UTP20: variants seen among roughly 807,000 people sequenced by gnomAD.
The protein encoded by UTP20 is UTP20 small subunit processome component.
Under a neutral mutation model 329.5 loss-of-function variants are expected in UTP20, and 164 were observed. That is an observed-to-expected ratio of 0.50 (90% CI 0.44 to 0.57). The LOEUF (loss-of-function observed/expected upper bound fraction) is 0.57, where lower values mean the gene tolerates loss of function less well. UTP20 is among the 20% of genes least tolerant of loss of function. The probability of loss-of-function intolerance (pLI) is 0.00; values close to 1 mark genes in which losing one functional copy is unlikely to be tolerated. For missense variants in UTP20, 3,055 were observed against 3,284.2 expected (o/e 0.93, Z 1.71); for synonymous variants, 1,151 against 1,159.3 (o/e 0.99, Z 0.14).
intron 25 of UTP20, among the ~76,000 whole-genome samples, chr12:101,325,012 C>T (rs887015808): frequency 6.6e-6 from 1 of 151,992 alleles, no homozygotes; most frequent in East Asian, 1.9e-4. Flanking sequence ...CTTTTATTAG[C>T]GTTAGTAGTT....
chr12:101,312,427 G>GTTTGTT, intron 21 of UTP20, 151 bp downstream of exon 21: 5 of 1,223,990 alleles, frequency 4.1e-6, no homozygotes, highest in Admixed American at 2.8e-5. Context: ...TTTTTTGTTT[G>GTTTGTT]TTTGTTTTTG....
At chr12:101,318,141 G>A (rs1253536807) in intron 22 of UTP20, among the ~76,000 whole-genome samples, 1 of 151,804 alleles carries the variant, frequency 6.6e-6, no homozygotes, top group Admixed American at 6.6e-5. Context: ...CCTTCTACTG[G>A]TTACTTTTTT....
chr12:101,320,185 A>AT (rs1433130861), intron 23 of UTP20, among the ~76,000 whole-genome samples: 17 of 152,336 alleles, frequency 1.1e-4, no homozygotes, highest in Admixed American at 1.0e-3. Context: ...ATTGACTATC[A>AT]TTACCTTCAT....
At chr12:101,318,888 T>A (rs1217218406) in intron 22 of UTP20, among the ~76,000 whole-genome samples, 3 of 147,468 alleles carry the variant, frequency 2.0e-5, no homozygotes, top group Non-Finnish European at 4.5e-5. Context: ...AAGATGAAAG[T>A]TTGCCAGACA....
At chr12:101,327,344 C>A in intron 26 of UTP20, 97 bp downstream of exon 26, 1 of 1,248,744 alleles carries the variant, frequency 8.0e-7, no homozygotes, top group Non-Finnish European at 1.1e-6. Flanking sequence ...GTCTTTCTAA[C>A]AGGGTTGTTC....
In UTP20 at chr12:101,355,099, A is replaced by G; in HGVS notation, c.5375A>G (p.His1792Arg). Residue 1792 changes from histidine to arginine, a missense_variant, in exon 41 of 62, where the codon CAT (histidine) becomes CGT (arginine). By Grantham distance (29) the His-to-Arg change is conservative (BLOSUM62 0). Coordinates refer to ENST00000261637, the MANE Select transcript of UTP20 (RefSeq NM_014503.3). ...TITGDILPRL[H>R]KCLASTTKRE... ...ACCGGGGATATTCTCCCCAGGCTAC[A>G]TAAATGCCTTGCATCTACGGTAATA... 2 of 1,613,682 alleles carry G rather than the reference A, an allele frequency of 1.2e-6. No individual in the cohort carries two copies. Among genetic ancestry groups the G allele is most frequent in the East Asian group, 2.2e-5 (1 of 44,880 alleles).
chr12:101,386,212 G>GTTTTT lies in UTP20; in HGVS notation c.*100_*104dup. ...AGGTTGTCTGGGGTAGGGGGGAGGC[G>GTTTTT]TTTTTTTTTTTTTTTGAGACAAGGT... is the stretch of plus-strand genomic sequence containing the variant. On this transcript the variant is annotated 3_prime_UTR_variant, in exon 62 of 62. Transcript: ENST00000261637. 2.2e-6 allele frequency: 2 copies of GTTTTT among 905,804 alleles called. No homozygotes were observed. The highest frequency in any genetic ancestry group is 3.2e-6 in the Non-Finnish European group (2 of 620,610). 56.1% of individuals were successfully genotyped at this position (905,804 alleles called of 1,614,324 possible). A position where few individuals can be genotyped will look rare whatever the true frequency, so the allele number is the denominator to read the frequency against.
Position 101,319,569 on chromosome 12 carries a change from T to C in UTP20, c.2763T>C (p.Val921=), listed in dbSNP as rs554258440. 3.1e-6 allele frequency: 5 copies of C among 1,608,070 alleles called. No individual in the cohort carries two copies. In the East Asian group the frequency reaches 9.0e-5, roughly 29 times the overall value. ...GGCAATTAATTGCTCATTTGCAAGT[T>C]TTCTCTAAATTTTCAAATCCACGGG... is the stretch of plus-strand genomic sequence containing the variant. ...AAKQLIAHLQ[V]FSKFSNPRAL... Residue 921 remains valine, a synonymous_variant, in exon 23 of 62, where the codon GTT becomes GTC. Coordinates refer to ENST00000261637, the MANE Select transcript of UTP20 (RefSeq NM_014503.3).
At position 101,319,628 on chromosome 12, in the gene UTP20, A is replaced by G. The variant is rs1873084937; in HGVS notation, c.2822A>G (p.Tyr941Cys). The G allele has an allele frequency of 1.2e-6, 2 of 1,600,462 alleles. No homozygotes were observed. The highest frequency in any genetic ancestry group is 1.1e-5 in the South Asian group (1 of 87,758). ...CTGGAATCCAAACTATATGAGTTAT[A>G]TCTTCAGGTCAGTAAAATAAACTCT... ...LYLESKLYEL[Y>C]LQLLLHQDQM... Residue 941 changes from tyrosine (Y) to cysteine (C), a missense_variant, in exon 23 of 62, where the codon TAT (tyrosine) becomes TGT (cysteine). Coordinates refer to ENST00000261637, the MANE Select transcript of UTP20 (RefSeq NM_014503.3).
In UTP20 at chr12:101,333,425, A is replaced by G. The variant is rs771646018; in HGVS notation, c.3542A>G (p.His1181Arg). The G allele has an allele frequency of 1.9e-6, 3 of 1,613,940 alleles. No individual in the cohort carries two copies. The highest frequency in any genetic ancestry group is 2.2e-5 in the East Asian group (1 of 44,840). The change falls in exon 28 of 62, where the codon CAT becomes CGT. Residue 1181 changes from histidine to arginine, a missense_variant. His to Arg is a conservative substitution (Grantham distance 29, BLOSUM62 0). Transcript: ENST00000261637. ...ACAGAAGAAATTGATGCTGTGTTTC[A>G]TGGTGCAGTTTGGCCCCAGGTAAAC... is the stretch of plus-strand genomic sequence containing the variant. Reference protein sequence around the residue: ...FRTEEIDAVFHGAVWPQISRL... With the variant: ...FRTEEIDAVFRGAVWPQISRL...
At chr12:101,333,233 C>A in intron 27 of UTP20, 68 bp from the exon 28 acceptor site, 1 of 1,487,198 alleles carries the variant, frequency 6.7e-7, no homozygotes, top group Non-Finnish European at 9.1e-7. Context: ...GCAAGAGTGC[C>A]TCTCTGAGGA....
At position 101,280,267 on chromosome 12, in the gene UTP20, C is replaced by CTGCAG. The variant is rs1263809211; in HGVS notation, c.-14_-13insCAGTG. ...ACACTCCCGAGGCCGTCGCGGGCCA[C>CTGCAG]TGGCCCTCTGCAGCCATGAAGACAA... On this transcript the variant is annotated 5_prime_UTR_variant, in exon 1 of 62. Coordinates refer to ENST00000261637, the MANE Select transcript of UTP20 (RefSeq NM_014503.3). The CTGCAG allele has an allele frequency of 2.6e-6, 4 of 1,551,738 alleles. No individual in the cohort carries two copies. Among genetic ancestry groups the CTGCAG allele is most frequent in the Non-Finnish European group, 3.5e-6 (4 of 1,146,978 alleles).
intron 29 of UTP20, among the ~76,000 whole-genome samples, chr12:101,335,160 C>T (rs936835175): frequency 6.6e-6 from 1 of 152,070 alleles, no homozygotes; most frequent in Non-Finnish European, 1.5e-5. Context: ...GGAGACTTTT[C>T]ATAATACATC....
At position 101,345,591 on chromosome 12, in the gene UTP20, T is replaced by G; in HGVS notation, c.4643T>G (p.Leu1548Ter). 1 of 1,607,656 alleles carries G rather than the reference T, an allele frequency of 6.2e-7. No individual in the cohort carries two copies. The highest frequency in any genetic ancestry group is 8.5e-7 in the Non-Finnish European group (1 of 1,174,546). ...QQDYTTILSC[L>*]IQTFPNQLEF... The stretch of plus-strand genomic sequence containing the variant: ...GATTATACCACAATACTTTCCTGTT[T>G]AATTCAAACCTTTCCAAACCAACTG... Residue 1548 changes from leucine to a stop codon, truncating the protein, a stop_gained, in exon 37 of 62, where the codon TTA becomes TGA. Transcript: ENST00000261637. LOFTEE classifies it high-confidence loss of function.
rs931206033 is a variant in UTP20 at position 101,296,193 on chromosome 12, A to G, written c.1430+535A>G. ...TAGATATATAGTCATATGTAGTTTT[A>G]TCCTGTGTTGATTTGTAACCACCAC... On this transcript the variant is annotated intron_variant, in intron 12 of 61. Coordinates refer to ENST00000261637, the MANE Select transcript of UTP20 (RefSeq NM_014503.3). Among the ~76,000 whole-genome samples, 10 of 152,324 alleles carry G rather than the reference A, an allele frequency of 6.6e-5. No individual in the cohort carries two copies. In the East Asian group the frequency reaches 9.6e-4, roughly 15 times the overall value.
intron 52 of UTP20, among the ~76,000 whole-genome samples, 164 bp from the exon 53 acceptor site, chr12:101,373,237 G>C (rs913188197): frequency 2.0e-5 from 3 of 152,166 alleles, no homozygotes; most frequent in Non-Finnish European, 4.4e-5. Context: ...AAATTGTACA[G>C]TGATAGCTTA....
In UTP20 at chr12:101,356,927, A is replaced by G. The variant is rs1284307677; in HGVS notation, c.5536A>G (p.Ile1846Val). 3.1e-6 allele frequency: 5 copies of G among 1,603,580 alleles called. No homozygotes were observed. The highest frequency in any genetic ancestry group is 2.2e-5 in the East Asian group (1 of 44,778). Residue 1846 changes from isoleucine to valine, a missense_variant and splice_region_variant, in exon 43 of 62, where the codon ATT becomes GTT. By Grantham distance (29) the Ile-to-Val change is conservative. This residue lies in a region of UTP20 where 2,445 missense variants were observed against 2,575.5 expected (regional missense o/e 0.95). Coordinates refer to ENST00000261637, the MANE Select transcript of UTP20 (RefSeq NM_014503.3). ...QEVMEANLPS[I>V]LLKVCALLKN... ...ATTTTTCAACTTCTCATTTTCTAGT[A>G]TTTTGCTGAAAGTGTGTGCCCTACT...
chr12:101,288,150 T>C (rs1872019617), intron 5 of UTP20, among the ~76,000 whole-genome samples: 4 of 152,224 alleles, frequency 2.6e-5, no homozygotes, highest in African/African-American at 9.6e-5. Context: ...TCTTCTTTCC[T>C]CCTTTATTTT....
At chr12:101,370,020 C>A in intron 49 of UTP20, 129 bp downstream of exon 49, 1 of 842,566 alleles carries the variant, frequency 1.2e-6, no homozygotes, top group Non-Finnish European at 1.8e-6. Context: ...TCAAGACCAG[C>A]TGGGTCAGCA....
Sources: gnomAD v4.1 joint callset for allele counts (sites outside exome capture counted in the v4.1 genomes callset) on GRCh38, gnomAD v4.1.1 for gene constraint, gnomAD v4.1.1 regional missense constraint, MANE v1.5 for transcripts, NCBI Gene and HGNC (gene_info 2026-07-23, HGNC 2026-07-21) for gene names.